The following DLC1 variants were observed in gnomAD, a reference collection of about 807,000 sequenced individuals.
The protein encoded by DLC1 is rho GTPase-activating protein 7.
In DLC1, 54 loss-of-function variants were observed where a neutral mutation model predicts 140.3. That is an observed-to-expected ratio of 0.38 (90% CI 0.31 to 0.48). The LOEUF (loss-of-function observed/expected upper bound fraction) is 0.48, where lower values mean the gene tolerates loss of function less well. DLC1 is among the 20% of genes least tolerant of loss of function. The pLI, the probability that DLC1 is intolerant of heterozygous loss-of-function variation, is 0.96. For synonymous variants in DLC1, 986 were observed against 728.1 expected (o/e 1.35, Z -5.70); for missense variants, 2,536 against 1,907.0 (o/e 1.33, Z -6.14).
Position 13,090,362 on chromosome 8 carries a change from G to C in DLC1, c.3964C>G (p.Gln1322Glu), listed in dbSNP as rs745852207. 1.1e-5 allele frequency: 17 copies of C among 1,614,198 alleles called. No homozygotes were observed. In the South Asian group the frequency reaches 1.8e-4, roughly 17 times the overall value. ...HLGNDDSADY[Q>E]HFLQDCVDGL... ...TCCACACAGTCCTGGAGGAAGTGTT[G>C]GTAGTCAGCTGAGTCATCATTACCC... Residue 1322 changes from glutamine (Q) to glutamate (E), a missense_variant, in exon 15 of 18, where the codon CAA becomes GAA. By Grantham distance (29) the Gln-to-Glu change is conservative. Coordinates refer to ENST00000276297, the MANE Select transcript of DLC1 (RefSeq NM_182643.3).
At chr8:13,209,471 C>T (rs1309127309) in intron 5 of DLC1, among the ~76,000 whole-genome samples, 1 of 151,978 alleles carries the variant, frequency 6.6e-6, no homozygotes, top group African/African-American at 2.4e-5. Context: ...AAAATTAAAG[C>T]TTATTTGAGA....
intron 5 of DLC1, among the ~76,000 whole-genome samples, chr8:13,183,298 A>G (rs931928258): frequency 1.5e-4 from 23 of 152,274 alleles, no homozygotes; most frequent in African/African-American, 5.5e-4. Context: ...CTAATTGAAT[A>G]CCCTTTATTT....
chr8:13,392,249 T>C (rs2117209474), intron 4 of DLC1, among the ~76,000 whole-genome samples: 1 of 152,322 alleles, frequency 6.6e-6, no homozygotes, highest in East Asian at 1.9e-4. Flanking sequence ...TACCTCCTTT[T>C]GCTGGAATGT....
At chr8:13,576,560 G>A (rs913847473) in intron 1 of DLC1, among the ~76,000 whole-genome samples, 1 of 152,250 alleles carries the variant, frequency 6.6e-6, no homozygotes. Context: ...TGGGTTCTGA[G>A]AGAGTCGATT....
chr8:13,274,038 C>G (rs1031306268), intron 5 of DLC1, among the ~76,000 whole-genome samples: 1 of 152,170 alleles, frequency 6.6e-6, no homozygotes, highest in Non-Finnish European at 1.5e-5. Context: ...TTTGGACTTT[C>G]TACTGCCCTC....
intron 4 of DLC1, among the ~76,000 whole-genome samples, chr8:13,376,803 C>A (rs905088917): frequency 1.3e-5 from 2 of 152,126 alleles, no homozygotes; most frequent in African/African-American, 4.8e-5. Flanking sequence ...CTCTTTTGAG[C>A]CAACATTTAA....
intron 2 of DLC1, among the ~76,000 whole-genome samples, chr8:13,415,717 T>C (rs1281740115): frequency 3.3e-5 from 5 of 152,076 alleles, no homozygotes; most frequent in South Asian, 2.1e-4. Flanking sequence ...TTTTATCTTA[T>C]TATTATTTCT....
chr8:13,540,587 CAT>C (rs895043662), intron 1 of DLC1, among the ~76,000 whole-genome samples: 3 of 152,228 alleles, frequency 2.0e-5, no homozygotes, highest in Non-Finnish European at 2.9e-5. Flanking sequence ...GGTTATATCA[CAT>C]GTTTCCTACA....
chr8:13,336,535 T>C (rs890550191), intron 4 of DLC1, among the ~76,000 whole-genome samples: 23 of 152,200 alleles, frequency 1.5e-4, no homozygotes, highest in African/African-American at 5.3e-4. Context: ...GCCATCATGG[T>C]TGAACAACTG....
chr8:13,180,101 A>T (rs749859229), intron 5 of DLC1, among the ~76,000 whole-genome samples: 1 of 152,158 alleles, frequency 6.6e-6, no homozygotes, highest in Non-Finnish European at 1.5e-5. Flanking sequence ...TCCAAGGGAG[A>T]TGGTGTTTAC....
chr8:13,413,277 T>TTTTTTTTTTTTTTTTTTC (rs1837880078), intron 2 of DLC1, among the ~76,000 whole-genome samples: 1 of 146,014 alleles, frequency 6.8e-6, no homozygotes, highest in East Asian at 2.0e-4. Flanking sequence ...TTTTTTTTTT[T>TTTTTTTTTTTTTTTTTTC]AGCTCATCAA....
chr8:13,257,381 G>T (rs1455529148), intron 5 of DLC1, among the ~76,000 whole-genome samples: 1 of 147,726 alleles, frequency 6.8e-6, no homozygotes, highest in Non-Finnish European at 1.5e-5. Context: ...AGACTACAGT[G>T]AGCCATGATC....
At chr8:13,346,740 T>A (rs554340329) in intron 4 of DLC1, among the ~76,000 whole-genome samples, 1 of 152,188 alleles carries the variant, frequency 6.6e-6, no homozygotes, top group South Asian at 2.1e-4. Context: ...GTCTCCTTTT[T>A]ATTTCAAGCC....
At position 13,499,417 on chromosome 8, in the gene DLC1, T is replaced by C. The variant is rs1229166663; in HGVS notation, c.655A>G (p.Ile219Val). Residue 219 changes from isoleucine to valine, a missense_variant, in exon 2 of 18, where the codon ATT becomes GTT. Coordinates refer to ENST00000276297, the MANE Select transcript of DLC1 (RefSeq NM_182643.3). ...TTAAGCAATTGTTTCTCAGGTGCAA[T>C]ATCTTTCACGTTCAAAGTATCCACT... ...NAVDTLNVKD[I>V]APEKQLLNSA... is the part of the protein sequence containing the mutation. 1.2e-6 allele frequency: 2 copies of C among 1,613,872 alleles called. No individual in the cohort carries two copies. The highest frequency in any genetic ancestry group is 1.7e-6 in the Non-Finnish European group (2 of 1,179,960).
At chr8:13,568,562 G>T (rs990962002) in intron 1 of DLC1, among the ~76,000 whole-genome samples, 3 of 144,420 alleles carry the variant, frequency 2.1e-5, no homozygotes, top group African/African-American at 5.1e-5. Flanking sequence ...AGTTGAAGCC[G>T]TAGATTGTCA....
chr8:13,418,853 A>G (rs1218635655), intron 2 of DLC1, among the ~76,000 whole-genome samples: 2 of 151,944 alleles, frequency 1.3e-5, no homozygotes, highest in African/African-American at 4.8e-5. Flanking sequence ...TGAGCATGGA[A>G]TTTTCTTCCA....
chr8:13,109,159 T>A (rs918889437), intron 7 of DLC1, among the ~76,000 whole-genome samples: 2 of 152,140 alleles, frequency 1.3e-5, no homozygotes, highest in Admixed American at 1.3e-4. Context: ...TAACACTGTA[T>A]TATATGAGAA....
rs1064795745 is a variant in DLC1 at position 13,086,342 on chromosome 8, G to A, written c.4414C>T (p.Pro1472Ser). 2 of 1,614,232 alleles carry A rather than the reference G, an allele frequency of 1.2e-6. No homozygotes were observed. Among genetic ancestry groups the A allele is most frequent in the Admixed American group, 1.7e-5 (1 of 60,028 alleles). Residue 1472 changes from proline to serine, a missense_variant, in exon 17 of 18, where the codon CCC becomes TCC. Pro to Ser is a moderately conservative substitution (Grantham distance 74, BLOSUM62 -1). Coordinates refer to ENST00000276297, the MANE Select transcript of DLC1 (RefSeq NM_182643.3). ...NVLLSRYLIE[P>S]CGPGKSKLTY... ...AGTTTGGATTTTCCTGGCCCACAGG[G>A]TTCAATCAAATACCTGGACAAGAGC...
chr8:13,289,714 G>A (rs1831684845), intron 5 of DLC1, among the ~76,000 whole-genome samples: 1 of 152,212 alleles, frequency 6.6e-6, no homozygotes, highest in African/African-American at 2.4e-5. Context: ...GGGAGGAGAA[G>A]GGGGTATACA....
Sources: gnomAD v4.1 joint callset for allele counts (sites outside exome capture counted in the v4.1 genomes callset) on GRCh38, gnomAD v4.1.1 for gene constraint, MANE v1.5 for transcripts, NCBI Gene and HGNC (gene_info 2026-07-23, HGNC 2026-07-21) for gene names.